OGA: variants seen among roughly 807,000 people sequenced by gnomAD.
OGA encodes O-GlcNAcase.
OGA carries 21 observed loss-of-function variants against 102.0 expected under a neutral mutation model. That is an observed-to-expected ratio of 0.21 (90% CI 0.15 to 0.30). The LOEUF (loss-of-function observed/expected upper bound fraction) is 0.30, where lower values mean the gene tolerates loss of function less well. OGA is among the 10% of genes least tolerant of loss of function. OGA has a pLI of 1.00. For synonymous variants in OGA, 408 were observed against 378.2 expected, an observed-to-expected ratio of 1.08 and a Z score of -0.91; for missense variants, 765 against 1,107.8, an observed-to-expected ratio of 0.69 and a Z score of 4.39.
intron 3 of OGA, among the ~76,000 whole-genome samples, chr10:101,811,603 T>C (rs2065559673): frequency 6.6e-6 from 1 of 151,826 alleles, no homozygotes; most frequent in Non-Finnish European, 1.5e-5. Flanking sequence ...CTTGGGGGAC[T>C]GAGGCGGGAG....
At chr10:101,800,124 CG>C (rs1160841824) in intron 8 of OGA, 117 bp downstream of exon 8, 18 of 1,115,020 alleles carry the variant, frequency 1.6e-5, no homozygotes, top group Non-Finnish European at 2.3e-5. Context: ...CCGCCTGCCT[CG>C]GCCTCCCAAA....
rs535630453 is a variant in OGA at position 101,786,018 on chromosome 10, C to A, written c.*433G>T. 1 of 153,210 alleles carries A rather than the reference C, an allele frequency of 6.5e-6. No individual in the cohort carries two copies. Among genetic ancestry groups the A allele is most frequent in the South Asian group, 2.1e-4 (1 of 4,836 alleles). 9.5% of individuals were successfully genotyped at this position (153,210 alleles called of 1,614,324 possible). ...CTGACACTTCTGAAACCCACTCTTT[C>A]TTTCTTTCATCTCTGCCATGTCCCC... On this transcript the variant is annotated 3_prime_UTR_variant, in exon 16 of 16. Transcript: ENST00000361464.
Position 101,818,111 on chromosome 10 carries a change from A to G in OGA, c.-89T>C. On this transcript the variant is annotated 5_prime_UTR_variant, in exon 1 of 16. Coordinates refer to ENST00000361464, the MANE Select transcript of OGA (RefSeq NM_012215.5). ...GGCCCGGAGCCCTGGAGAGGGCTTC[A>G]GCTCCAAGTGTGCGCCCCTCCGGCT... The G allele has an allele frequency of 7.0e-7, 1 of 1,421,424 alleles. No homozygotes were observed. The highest frequency in any genetic ancestry group is 1.5e-5 in the South Asian group (1 of 66,030). 88.1% of individuals were successfully genotyped at this position (1,421,424 alleles called of 1,614,324 possible).
intron 1 of OGA, among the ~76,000 whole-genome samples, chr10:101,816,712 C>A (rs569903616): frequency 6.6e-6 from 1 of 152,260 alleles, no homozygotes; most frequent in Admixed American, 6.5e-5. Context: ...GTTAACTTCG[C>A]TGAACTCTTT....
rs760728463 is a variant in OGA, at chr10:101,803,709, T to C, written c.1036+26A>G. On this transcript the variant is annotated intron_variant, in intron 7 of 15. Coordinates refer to ENST00000361464, the MANE Select transcript of OGA (RefSeq NM_012215.5). ...GTTAACCCCAGCTCTCCTCCCAAGG[T>C]GAAAGATCAAGTACAGGCTACTTAC... The C allele has an allele frequency of 1.4e-5, 23 of 1,592,416 alleles. No individual in the cohort carries two copies. In the African/African-American group the frequency reaches 3.0e-4, roughly 20 times the overall value.
At chr10:101,791,203 T>TA in intron 13 of OGA, 115 bp from the exon 14 acceptor site, 1 of 1,252,156 alleles carries the variant, frequency 8.0e-7, no homozygotes, top group Non-Finnish European at 1.1e-6. Context: ...ACATTTGGTG[T>TA]AAGAAACTAG....
intron 10 of OGA, 134 bp from the exon 11 acceptor site, chr10:101,794,132 GATA>G: frequency 1.8e-6 from 1 of 561,924 alleles, no homozygotes; most frequent in Non-Finnish European, 3.2e-6. Flanking sequence ...GCAAGGCTAT[GATA>G]ATAATTATTA....
rs1192690288 is a variant in OGA, at chr10:101,799,109, C to T, written c.1542G>A (p.Met514Ile). The T allele has an allele frequency of 6.2e-7, 1 of 1,614,226 alleles. No individual in the cohort carries two copies. Among genetic ancestry groups the T allele is most frequent in the Non-Finnish European group, 8.5e-7 (1 of 1,180,034 alleles). The change falls in exon 9 of 16, where the codon ATG becomes ATA. Residue 514 changes from methionine (M) to isoleucine (I), a missense_variant. Met to Ile is a conservative substitution (Grantham distance 10, BLOSUM62 1). Transcript: ENST00000361464. Reference protein sequence around the residue: ...ESIAESKSPEMSMQEDCISDI... With the variant: ...ESIAESKSPEISMQEDCISDI... ...CACTAATACAATCTTCTTGCATGGACATCTCTGGGGATTTTGATTCAGCTA... is the reference window on the plus strand; with the variant it reads ...CACTAATACAATCTTCTTGCATGGATATCTCTGGGGATTTTGATTCAGCTA...
rs938520788 is a variant in OGA, at chr10:101,799,470, A to G, written c.1196-15T>C. The G allele has an allele frequency of 1.6e-5, 25 of 1,594,500 alleles. No homozygotes were observed. Among genetic ancestry groups the G allele is most frequent in the East Asian group, 4.5e-5 (2 of 44,746 alleles). On this transcript the variant is annotated splice_polypyrimidine_tract_variant and intron_variant, in intron 8 of 15. Coordinates refer to ENST00000361464, the MANE Select transcript of OGA (RefSeq NM_012215.5). ...AACTTGCCTACCTACAAAAATAAAT[A>G]AATGTATAAATAAAATGGTCACACA...
At chr10:101,790,793 G>T in intron 14 of OGA, 103 bp downstream of exon 14, 2 of 781,586 alleles carry the variant, frequency 2.6e-6, no homozygotes, top group South Asian at 5.1e-5. Flanking sequence ...ATTTTATGAT[G>T]TATCTATGTA....
At chr10:101,802,693 T>G (rs1420457200) in intron 7 of OGA, among the ~76,000 whole-genome samples, 2 of 151,440 alleles carry the variant, frequency 1.3e-5, no homozygotes, top group East Asian at 3.9e-4. Context: ...AAAAACTACT[T>G]TATTCTTTGC....
At chr10:101,792,442 T>G (rs929773910) in intron 12 of OGA, among the ~76,000 whole-genome samples, 11 of 152,226 alleles carry the variant, frequency 7.2e-5, no homozygotes, top group Non-Finnish European at 1.6e-4. Context: ...CGCCTGGCCC[T>G]GTTACTGTCT....
intron 1 of OGA, among the ~76,000 whole-genome samples, chr10:101,816,756 T>A (rs556554753): frequency 6.6e-6 from 1 of 152,214 alleles, no homozygotes; most frequent in Non-Finnish European, 1.5e-5. Flanking sequence ...TAGCCTGTTA[T>A]GGTCTGTACC....
Position 101,790,278 on chromosome 10 carries a change from T to G in OGA, c.2454+618A>C, listed in dbSNP as rs913353226. On this transcript the variant is annotated intron_variant, in intron 14 of 15. Transcript: ENST00000361464. Reference sequence around the variant, plus strand: ...CCATAATATCTTGTTTTTTTTTTTTTTTTTTTTTTTTTGAGACAGAGTTTC... The same window carrying G: ...CCATAATATCTTGTTTTTTTTTTTTGTTTTTTTTTTTTGAGACAGAGTTTC... 8.7e-4 allele frequency among the ~76,000 whole-genome samples: 126 copies of G among 144,348 alleles called. 1 individual carries two copies. Among genetic ancestry groups the G allele is most frequent in the South Asian group, 1.4e-3 (6 of 4,310 alleles). The allele number at this position is 144,348 out of a possible 152,430, so 94.7% of individuals were successfully genotyped here.
rs2065189582 is a variant in OGA at position 101,786,316 on chromosome 10, T to TACA, written c.*132_*134dup. ...GTCTCAAAGTGTGATGGGTGAGTTT[T>TACA]ACATAGTCTTCTTTGTTTCGAATCC... On this transcript the variant is annotated 3_prime_UTR_variant, in exon 16 of 16. Transcript: ENST00000361464. 1.1e-6 allele frequency: 1 copy of TACA among 927,772 alleles called. No homozygotes were observed. Among genetic ancestry groups the TACA allele is most frequent in the Non-Finnish European group, 1.5e-6 (1 of 658,778 alleles). The allele number at this position is 927,772 out of a possible 1,614,324, so 57.5% of individuals were successfully genotyped here.
chr10:101,800,200 C>G, intron 8 of OGA, 42 bp downstream of exon 8: 1 of 1,585,520 alleles, frequency 6.3e-7, no homozygotes, highest in East Asian at 2.2e-5. Flanking sequence ...TGTGACTCAA[C>G]TATGTGATCT....
At chr10:101,816,083 G>A (rs1321458942) in intron 1 of OGA, among the ~76,000 whole-genome samples, 2 of 149,736 alleles carry the variant, frequency 1.3e-5, no homozygotes, top group Non-Finnish European at 3.0e-5. Context: ...ACCTGCCTGG[G>A]CAACACGGTG....
At chr10:101,787,228 A>T in intron 15 of OGA, 136 bp downstream of exon 15, 1 of 962,396 alleles carries the variant, frequency 1.0e-6, no homozygotes, top group Non-Finnish European at 1.5e-6. Context: ...ACCACTAATT[A>T]ATTCAGAAAC....
chr10:101,816,961 C>G (rs1689342119), intron 1 of OGA, among the ~76,000 whole-genome samples: 1 of 152,122 alleles, frequency 6.6e-6, no homozygotes, highest in Non-Finnish European at 1.5e-5. Flanking sequence ...AACTCTGAAT[C>G]GGCCAAAATA....
Sources: allele counts gnomAD v4.1 joint callset (sites outside exome capture counted in the v4.1 genomes callset), GRCh38; gene constraint gnomAD v4.1.1; transcripts MANE v1.5; gene names NCBI Gene and HGNC (gene_info 2026-07-23, HGNC 2026-07-21).